The following ADAM12 variants were observed in gnomAD, a reference collection of about 807,000 sequenced individuals.
The protein encoded by ADAM12 is disintegrin and metalloproteinase domain-containing protein 12.
Under a neutral mutation model 106.4 loss-of-function variants are expected in ADAM12, and 70 were observed. The ratio of observed to expected loss-of-function variants is 0.66; its 90% CI spans 0.54 to 0.80. ADAM12 has a LOEUF of 0.80. ADAM12 is among the 30% of genes least tolerant of loss of function. The probability of loss-of-function intolerance (pLI) is 0.00; values close to 1 mark genes in which losing one functional copy is unlikely to be tolerated. For synonymous variants in ADAM12, 420 were observed against 433.5 expected, an observed-to-expected ratio of 0.97 and a Z score of 0.39; for missense variants, 1,010 against 1,171.9, an observed-to-expected ratio of 0.86 and a Z score of 2.02.
At chr10:126,201,453 A>G (rs1447205906) in intron 3 of ADAM12, among the ~76,000 whole-genome samples, 2 of 152,182 alleles carry the variant, frequency 1.3e-5, no homozygotes, top group East Asian at 3.9e-4. Context: ...AACCCCAGGC[A>G]AGCACCAGAA....
chr10:126,196,372 G>A (rs1364614435), intron 3 of ADAM12, among the ~76,000 whole-genome samples: 1 of 152,214 alleles, frequency 6.6e-6, no homozygotes, highest in Non-Finnish European at 1.5e-5. Flanking sequence ...AACCTTCCTT[G>A]TTCTCCCTGA....
intron 1 of ADAM12, among the ~76,000 whole-genome samples, chr10:126,352,101 A>C (rs1855382322): frequency 6.6e-6 from 1 of 152,118 alleles, no homozygotes; most frequent in Admixed American, 6.5e-5. Context: ...GCTGACACTT[A>C]ACATAAGGTC....
chr10:126,229,594 T>G (rs571429302), intron 3 of ADAM12, among the ~76,000 whole-genome samples: 106 of 151,610 alleles, frequency 7.0e-4, no homozygotes, highest in Non-Finnish European at 1.3e-3. Context: ...CCTATACATG[T>G]GCATTCTCTC....
At chr10:126,135,463 G>A in intron 5 of ADAM12, 121 bp downstream of exon 5, 1 of 895,506 alleles carries the variant, frequency 1.1e-6, no homozygotes, top group Non-Finnish European at 1.8e-6. Context: ...CTAGGTGGAG[G>A]TGTAGCTGAG....
chr10:126,017,329 G>A lies in ADAM12; in HGVS notation c.2671C>T (p.Gln891Ter), dbSNP rs1953678502. ...LRLAPLRPAPQYPHQVPRSTH... is the reference protein window; with the variant it reads ...LRLAPLRPAP ...GATCTGGGCACTTGGTGTGGATATT[G>A]TGGAGCAGGTCTGAATGAAGAGAGG... The change falls in exon 23 of 23, where the codon CAA (glutamine) becomes TAA (stop). Residue 891 changes from glutamine (Q) to a stop codon, truncating the protein, a stop_gained. Coordinates refer to ENST00000448723, the MANE Select transcript of ADAM12 (RefSeq NM_001288973.2). LOFTEE classifies it low-confidence loss of function (END_TRUNC). The A allele has an allele frequency of 6.3e-7, 1 of 1,586,326 alleles. No individual in the cohort carries two copies. The highest frequency in any genetic ancestry group is 8.6e-7 in the Non-Finnish European group (1 of 1,165,018).
At chr10:126,336,913 C>T (rs548302902) in intron 1 of ADAM12, among the ~76,000 whole-genome samples, 1 of 152,324 alleles carries the variant, frequency 6.6e-6, no homozygotes, top group African/African-American at 2.4e-5. Flanking sequence ...GGGCAAGTTG[C>T]TTGCATTCCT....
intron 5 of ADAM12, among the ~76,000 whole-genome samples, chr10:126,127,257 G>T (rs1236865804): frequency 6.6e-6 from 1 of 152,194 alleles, no homozygotes; most frequent in African/African-American, 2.4e-5. Context: ...GAGCCAGGTG[G>T]GCTAGTCAGA....
intron 14 of ADAM12, among the ~76,000 whole-genome samples, chr10:126,058,701 C>T (rs1266219847): frequency 2.0e-5 from 3 of 152,172 alleles, no homozygotes; most frequent in Admixed American, 6.5e-5. Context: ...CTGCTGATCC[C>T]GGTCAGGATA....
chr10:126,306,062 G>GT (rs890208926), intron 2 of ADAM12, among the ~76,000 whole-genome samples: 1 of 151,774 alleles, frequency 6.6e-6, no homozygotes, highest in African/African-American at 2.4e-5. Context: ...GATAATCCTT[G>GT]TTTTTTAATT....
At chr10:126,326,370 C>T (rs1320415524) in intron 2 of ADAM12, among the ~76,000 whole-genome samples, 5 of 152,140 alleles carry the variant, frequency 3.3e-5, no homozygotes, top group Admixed American at 2.0e-4. Flanking sequence ...GTGGTGAACA[C>T]CAAATTAGAC....
intron 10 of ADAM12, among the ~76,000 whole-genome samples, chr10:126,095,147 A>G (rs142685631): frequency 6.6e-6 from 1 of 152,292 alleles, no homozygotes; most frequent in African/African-American, 2.4e-5. Flanking sequence ...CTTCCAAGAA[A>G]CAGTGCTGCT....
intron 3 of ADAM12, among the ~76,000 whole-genome samples, chr10:126,202,243 A>T (rs1957715923): frequency 6.6e-6 from 1 of 152,232 alleles, no homozygotes; most frequent in Admixed American, 6.5e-5. Flanking sequence ...TTATTTCAAG[A>T]TCTTTAGAAA....
intron 18 of ADAM12, among the ~76,000 whole-genome samples, chr10:126,040,957 T>C (rs899470991): frequency 2.0e-5 from 3 of 152,058 alleles, no homozygotes; most frequent in Admixed American, 6.5e-5. Context: ...CAGTCCGCAC[T>C]CTAGAATCTG....
In ADAM12 at chr10:126,149,727, G is replaced by A. The variant is rs975570794; in HGVS notation, c.339+5500C>T. 2.0e-5 allele frequency among the ~76,000 whole-genome samples: 3 copies of A among 152,070 alleles called. No individual in the cohort carries two copies. The East Asian group carries it at 5.8e-4, about 29-fold the overall frequency. On this transcript the variant is annotated intron_variant, in intron 4 of 22. Coordinates refer to ENST00000448723, the MANE Select transcript of ADAM12 (RefSeq NM_001288973.2). ...TGAACATCGGACTTCAAGTTCTTCA[G>A]CTTTTGGACTCTTGGACCTACACCA...
At chr10:126,338,722 CA>C (rs1463841248) in intron 1 of ADAM12, among the ~76,000 whole-genome samples, 2 of 152,130 alleles carry the variant, frequency 1.3e-5, no homozygotes, top group Non-Finnish European at 2.9e-5. Context: ...TACATACATT[CA>C]CTTTGTAATG....
At chr10:126,039,472 A>G (rs372064832) in intron 18 of ADAM12, 43 bp from the exon 19 acceptor site, 13 of 1,611,874 alleles carry the variant, frequency 8.1e-6, no homozygotes, top group Middle Eastern at 3.3e-4. Context: ...GGCAGTTACA[A>G]TGAAATATGG....
rs114753045 is a variant in ADAM12 at position 126,167,505 on chromosome 10, C to T, written c.261-12200G>A. ...CATGGGTCAAAACTGAAAGGAACAACGAGGAACTGCATAAATCAGGATTCT... is the reference window on the plus strand; with the variant it reads ...CATGGGTCAAAACTGAAAGGAACAATGAGGAACTGCATAAATCAGGATTCT... On this transcript the variant is annotated intron_variant, in intron 3 of 22. Transcript: ENST00000448723. 7.1e-3 allele frequency among the ~76,000 whole-genome samples: 1,074 copies of T among 152,262 alleles called. 9 individuals are homozygous for T. Among genetic ancestry groups the T allele is most frequent in the African/African-American group, 0.025 (1,025 of 41,536 alleles).
chr10:126,048,545 G>T (rs986755911), intron 16 of ADAM12, among the ~76,000 whole-genome samples: 2 of 152,020 alleles, frequency 1.3e-5, no homozygotes, highest in African/African-American at 4.8e-5. Flanking sequence ...CCTCATGTTA[G>T]TGAGTGATTT....
chr10:126,208,747 A>T lies in ADAM12; in HGVS notation c.261-53442T>A, dbSNP rs141460995. Among the ~76,000 whole-genome samples, 10 of 152,288 alleles carry T rather than the reference A, an allele frequency of 6.6e-5. No homozygotes were observed. The East Asian group carries it at 1.9e-3, about 29-fold the overall frequency. Reference sequence around the variant, plus strand: ...GTAACCTGATTAAAATGATCATTTGACACTTGCAGGAAAATGCTATGAAGC... The same window carrying T: ...GTAACCTGATTAAAATGATCATTTGTCACTTGCAGGAAAATGCTATGAAGC... On this transcript the variant is annotated intron_variant, in intron 3 of 22. Transcript: ENST00000448723.
Sources: allele counts gnomAD v4.1 joint callset (sites outside exome capture counted in the v4.1 genomes callset), GRCh38; gene constraint gnomAD v4.1.1; transcripts MANE v1.5; gene names NCBI Gene and HGNC (gene_info 2026-07-23, HGNC 2026-07-21).